The following MEOX1 variants were observed in gnomAD, a reference collection of about 807,000 sequenced individuals.
MEOX1 encodes the protein homeobox protein MOX-1.
A neutral mutation model predicts 23.2 loss-of-function variants in MEOX1; 17 were observed. The observed-to-expected ratio is 0.73, with a 90% CI of 0.50 to 1.10. MEOX1 has a LOEUF of 1.10. MEOX1 is among the 50% of genes least tolerant of loss of function. MEOX1 has a pLI of 0.00. For synonymous variants in MEOX1, 134 were observed against 135.1 expected (o/e 0.99, Z 0.06); for missense variants, 333 against 332.2 (o/e 1.00, Z -0.02).
Position 43,641,854 on chromosome 17 carries a change from T to G in MEOX1, c.*56A>C, listed in dbSNP as rs1598258065. The G allele has an allele frequency of 6.6e-7, 1 of 1,522,536 alleles. No individual in the cohort carries two copies. Among genetic ancestry groups the G allele is most frequent in the Non-Finnish European group, 8.9e-7 (1 of 1,127,528 alleles). The allele number at this position is 1,522,536 out of a possible 1,614,324, so 94.3% of individuals were successfully genotyped here. ...GAAGAGGGTGAAGGTGGGATTGGGG[T>G]GGGGGTAGTTGGGTAGGGGGCTCAG... On this transcript the variant is annotated 3_prime_UTR_variant, in exon 3 of 3. Transcript: ENST00000318579.
In MEOX1 at chr17:43,641,328, T is replaced by G. The variant is rs1567740135; in HGVS notation, c.*582A>C. ...TGGAGACAGGGATGTGTTTCTGGCT[T>G]GCAGCAGCTGAGTTGCTGTCCTTGA... On this transcript the variant is annotated 3_prime_UTR_variant, in exon 3 of 3. Transcript: ENST00000318579. 1 of 152,368 alleles carries G rather than the reference T, an allele frequency of 6.6e-6. No individual in the cohort carries two copies. Among genetic ancestry groups the G allele is most frequent in the Non-Finnish European group, 1.5e-5 (1 of 68,180 alleles). The allele number at this position is 152,368 out of a possible 1,614,324, so 9.4% of individuals were successfully genotyped here. A position where few individuals can be genotyped will look rare whatever the true frequency, so the allele number is the denominator to read the frequency against.
At chr17:43,644,987 CTT>C (rs374655447) in intron 1 of MEOX1, among the ~76,000 whole-genome samples, 76 of 152,182 alleles carry the variant, frequency 5.0e-4, no homozygotes, top group African/African-American at 1.8e-3. Flanking sequence ...ATGGTTATCT[CTT>C]GAGCAGACGG....
At chr17:43,651,202 C>CCAG (rs1177435430) in intron 1 of MEOX1, among the ~76,000 whole-genome samples, 1 of 152,032 alleles carries the variant, frequency 6.6e-6, no homozygotes, top group Non-Finnish European at 1.5e-5. Context: ...GCCTGTAGTC[C>CCAG]CAGCTACTCG....
intron 1 of MEOX1, among the ~76,000 whole-genome samples, chr17:43,657,457 G>C (rs572207700): frequency 6.6e-6 from 1 of 151,912 alleles, no homozygotes; most frequent in East Asian, 1.9e-4. Flanking sequence ...AAAGTGCTGG[G>C]ATTATAGGCA....
chr17:43,652,629 G>A (rs969461663), intron 1 of MEOX1, among the ~76,000 whole-genome samples: 4 of 152,040 alleles, frequency 2.6e-5, no homozygotes, highest in South Asian at 2.1e-4. Context: ...TGTGGATCAG[G>A]GACCTGAACC....
Position 43,655,660 on chromosome 17 carries a change from T to TAA in MEOX1, c.469+5404_469+5405dup, listed in dbSNP as rs57762377. Among the ~76,000 whole-genome samples, 287 of 75,614 alleles carry TAA rather than the reference T, an allele frequency of 3.8e-3. 1 individual carries two copies. Among genetic ancestry groups the TAA allele is most frequent in the African/African-American group, 0.015 (260 of 17,330 alleles). 49.6% of individuals were successfully genotyped at this position (75,614 alleles called of 152,430 possible). ...GCAGCATAGCAAGACCCTGTCTTTC[T>TAA]AAAAAAAAAAAAAAAAAAAAAAAAA... is the stretch of plus-strand genomic sequence containing the variant. On this transcript the variant is annotated intron_variant, in intron 1 of 2. Coordinates refer to ENST00000318579, the MANE Select transcript of MEOX1 (RefSeq NM_004527.4).
At chr17:43,642,083 C>CA (rs1222350464) in intron 2 of MEOX1, 51 bp from the exon 3 acceptor site, 1 of 1,568,416 alleles carries the variant, frequency 6.4e-7, no homozygotes, top group Non-Finnish European at 8.6e-7. Flanking sequence ...GTGTGACCTC[C>CA]TCCCCATGTC....
chr17:43,655,707 C>G (rs981323378), intron 1 of MEOX1, among the ~76,000 whole-genome samples: 1 of 147,664 alleles, frequency 6.8e-6, no homozygotes, highest in Non-Finnish European at 1.5e-5. Flanking sequence ...CTGTCACTTG[C>G]TACAACCTGG....
At chr17:43,654,445 T>A (rs1322208208) in intron 1 of MEOX1, among the ~76,000 whole-genome samples, 1 of 151,996 alleles carries the variant, frequency 6.6e-6, no homozygotes, top group Non-Finnish European at 1.5e-5. Context: ...GAGGCAGAGA[T>A]TGCAGTGAGC....
chr17:43,647,426 G>A (rs1972831896), intron 1 of MEOX1, among the ~76,000 whole-genome samples: 1 of 152,206 alleles, frequency 6.6e-6, no homozygotes, highest in Non-Finnish European at 1.5e-5. Flanking sequence ...ATTGCCCAGT[G>A]TGCCTGACAG....
intron 1 of MEOX1, 25 bp downstream of exon 1, chr17:43,661,041 G>T: frequency 1.4e-6 from 2 of 1,424,314 alleles, no homozygotes; most frequent in South Asian, 1.5e-5. Context: ...GTAAAGGAAT[G>T]ATCAGCTGCT....
chr17:43,655,572 C>T (rs1415832383), intron 1 of MEOX1, among the ~76,000 whole-genome samples: 8 of 149,980 alleles, frequency 5.3e-5, no homozygotes, highest in African/African-American at 1.7e-4. Flanking sequence ...ACCTATAATT[C>T]CAGCACTTTG....
chr17:43,660,223 C>G (rs541974821), intron 1 of MEOX1, among the ~76,000 whole-genome samples: 1 of 152,264 alleles, frequency 6.6e-6, no homozygotes, highest in African/African-American at 2.4e-5. Context: ...GAGGAAGCAG[C>G]AGGTCCCCAC....
At chr17:43,650,350 G>C (rs1277950883) in intron 1 of MEOX1, among the ~76,000 whole-genome samples, 1 of 152,174 alleles carries the variant, frequency 6.6e-6, no homozygotes, top group African/African-American at 2.4e-5. Flanking sequence ...AGATTTTCTT[G>C]TTAGGAAGCT....
chr17:43,661,091 T>C lies in MEOX1; in HGVS notation c.444A>G (p.Ser148=), dbSNP rs147971791. The C allele has an allele frequency of 1.3e-3, 1,921 of 1,498,256 alleles. 18 individuals carry two copies. The African/African-American group carries it at 0.025, about 19-fold the overall frequency. 92.8% of individuals were successfully genotyped at this position (1,498,256 alleles called of 1,614,324 possible). ...CTGAACTCTCCTTTCTCCGCCTGGA[T>C]GATTTCTTCTCTGTCTCATTGGCAG... ...GSTANETEKK[S]SRRRKESSDN... is the part of the protein sequence containing the mutation. Residue 148 remains serine, a synonymous_variant, in exon 1 of 3, where the codon TCA becomes TCG. Coordinates refer to ENST00000318579, the MANE Select transcript of MEOX1 (RefSeq NM_004527.4).
chr17:43,661,367 C>T lies in MEOX1; in HGVS notation c.168G>A (p.Thr56=), dbSNP rs557562917. ...HQKPDFLATA[T]AAYPDFSASC... is the part of the protein sequence containing the mutation. ...AGGCTGAGAAGTCAGGGTACGCTGC[C>T]GTCGCTGTCGCCAGGAAGTCTGGTT... Residue 56 remains threonine, a synonymous_variant, in exon 1 of 3, where the codon ACG becomes ACA. Transcript: ENST00000318579. The T allele has an allele frequency of 7.7e-6, 12 of 1,557,444 alleles. No individual in the cohort carries two copies. The highest frequency in any genetic ancestry group is 2.4e-5 in the East Asian group (1 of 41,152).
chr17:43,654,969 A>G (rs992182744), intron 1 of MEOX1, among the ~76,000 whole-genome samples: 2 of 151,138 alleles, frequency 1.3e-5, no homozygotes, highest in African/African-American at 2.4e-5. Context: ...GGAGAATGGC[A>G]TGAACCCGGG....
intron 1 of MEOX1, among the ~76,000 whole-genome samples, chr17:43,658,278 G>A (rs545405292): frequency 1.3e-5 from 2 of 152,342 alleles, no homozygotes; most frequent in African/African-American, 4.8e-5. Context: ...GGAGGCCGAG[G>A]TGGGCTGATC....
intron 1 of MEOX1, among the ~76,000 whole-genome samples, chr17:43,658,498 C>A (rs375563079): frequency 7.4e-6 from 1 of 135,790 alleles, no homozygotes; most frequent in African/African-American, 2.6e-5. Flanking sequence ...TAGAGTGAGA[C>A]TCCATCTCAA....
Sources: gnomAD v4.1 joint callset for allele counts (sites outside exome capture counted in the v4.1 genomes callset) on GRCh38, gnomAD v4.1.1 for gene constraint, MANE v1.5 for transcripts, NCBI Gene and HGNC (gene_info 2026-07-23, HGNC 2026-07-21) for gene names.